PCDH9: variants seen among roughly 807,000 people sequenced by gnomAD.
PCDH9 encodes the protein protocadherin-9.
PCDH9 carries 24 observed loss-of-function variants against 70.6 expected under a neutral mutation model. The observed-to-expected ratio is 0.34, with a 90% CI of 0.25 to 0.48. The LOEUF (loss-of-function observed/expected upper bound fraction) is 0.48. Among genes scored for constraint, PCDH9 ranks in the 20% least tolerant of loss-of-function variants. The pLI, the probability that PCDH9 is intolerant of heterozygous loss-of-function variation, is 0.99. For missense variants in PCDH9, 1,281 were observed against 1,503.6 expected, an observed-to-expected ratio of 0.85 and a Z score of 2.45; for synonymous variants, 562 against 558.5, an observed-to-expected ratio of 1.01 and a Z score of -0.09.
intron 4 of PCDH9, among the ~76,000 whole-genome samples, chr13:66,334,126 A>G (rs944543000): frequency 1.3e-5 from 2 of 152,088 alleles, no homozygotes; most frequent in African/African-American, 4.8e-5. Flanking sequence ...TCAAACACAT[A>G]CTACTTATTT....
chr13:66,323,804 T>G (rs967716685), intron 4 of PCDH9, among the ~76,000 whole-genome samples: 2 of 151,966 alleles, frequency 1.3e-5, no homozygotes, highest in African/African-American at 4.8e-5. Flanking sequence ...GATGTCAAGA[T>G]GCTCACATTT....
intron 4 of PCDH9, among the ~76,000 whole-genome samples, chr13:66,557,850 AG>A (rs2138696117): frequency 6.6e-6 from 1 of 152,316 alleles, no homozygotes; most frequent in African/African-American, 2.4e-5. Context: ...TAATCGCATT[AG>A]AGACAAAGAA....
intron 4 of PCDH9, among the ~76,000 whole-genome samples, chr13:66,414,154 C>G (rs543532399): frequency 6.1e-4 from 93 of 152,274 alleles, no homozygotes; most frequent in African/African-American, 2.1e-3. Context: ...ATTTTCATCT[C>G]TCTCCTAACA....
chr13:66,703,710 C>T (rs1011981414), intron 3 of PCDH9, among the ~76,000 whole-genome samples: 19 of 151,788 alleles, frequency 1.3e-4, no homozygotes, highest in African/African-American at 4.4e-4. Flanking sequence ...GCCTGGGCAA[C>T]GTGGTGAGAC....
At chr13:66,477,356 A>G (rs144529365) in intron 4 of PCDH9, among the ~76,000 whole-genome samples, 1 of 152,274 alleles carries the variant, frequency 6.6e-6, no homozygotes, top group Non-Finnish European at 1.5e-5. Context: ...GGGATCATAC[A>G]CATTCAAGCA....
At chr13:67,021,218 T>C (rs1035457599) in intron 2 of PCDH9, among the ~76,000 whole-genome samples, 2 of 152,158 alleles carry the variant, frequency 1.3e-5, no homozygotes, top group African/African-American at 2.4e-5. Flanking sequence ...ACTATACAAG[T>C]ACTAGCAAAG....
intron 3 of PCDH9, among the ~76,000 whole-genome samples, chr13:66,896,294 C>G (rs1393264484): frequency 6.6e-6 from 1 of 152,078 alleles, no homozygotes; most frequent in Non-Finnish European, 1.5e-5. Flanking sequence ...TGAAGTAATT[C>G]ATAAGGCCAC....
chr13:67,014,148 C>T lies in PCDH9; in HGVS notation c.3037-110543G>A, dbSNP rs114874894. On this transcript the variant is annotated intron_variant, in intron 2 of 4. Coordinates refer to ENST00000377865, the MANE Select transcript of PCDH9 (RefSeq NM_203487.3). ...TTTGTCCCCACTAAAAGAAGAATTA[C>T]TTTCTGTAAAGTGATAGTAATACTA... Among the ~76,000 whole-genome samples, 537 of 152,166 alleles carry T rather than the reference C, an allele frequency of 3.5e-3. 5 individuals carry two copies. The highest frequency in any genetic ancestry group is 0.012 in the African/African-American group (515 of 41,544).
At chr13:66,838,335 T>C (rs1476750500) in intron 3 of PCDH9, among the ~76,000 whole-genome samples, 1 of 152,080 alleles carries the variant, frequency 6.6e-6, no homozygotes, top group Admixed American at 6.6e-5. Flanking sequence ...GGAGTATTTT[T>C]ATTTCCCTTA....
intron 2 of PCDH9, among the ~76,000 whole-genome samples, chr13:66,908,796 T>G (rs1477758049): frequency 1.3e-5 from 2 of 152,160 alleles, no homozygotes; most frequent in Admixed American, 6.6e-5. Context: ...AACTAGAAAA[T>G]GGAGCTAAAA....
chr13:66,860,601 A>G (rs947170243), intron 3 of PCDH9, among the ~76,000 whole-genome samples: 1 of 152,264 alleles, frequency 6.6e-6, no homozygotes, highest in African/African-American at 2.4e-5. Context: ...AGGTCTTGCT[A>G]TCTAAAGATA....
chr13:67,227,240 A>T lies in PCDH9; in HGVS notation c.1201T>A (p.Cys401Ser). ...AATGGGACCTCTCTTTCAATAAAACAGATCACTTTGCCATTCACATCTGTG... is the reference window on the plus strand; with the variant it reads ...AATGGGACCTCTCTTTCAATAAAACTGATCACTTTGCCATTCACATCTGTG... ...KDTDVNGKVICFIEREVPFHL... is the reference protein window; with the variant it reads ...KDTDVNGKVISFIEREVPFHL... The change falls in exon 2 of 5, where the codon TGT (cysteine) becomes AGT (serine). Residue 401 changes from cysteine (C) to serine (S), a missense_variant. Coordinates refer to ENST00000377865, the MANE Select transcript of PCDH9 (RefSeq NM_203487.3). The surrounding 1 kb of genome is among the most constrained non-coding windows in gnomAD (Gnocchi z 4.6). 6.2e-7 allele frequency: 1 copy of T among 1,613,834 alleles called. No homozygotes were observed. The highest frequency in any genetic ancestry group is 8.5e-7 in the Non-Finnish European group (1 of 1,179,694).
At chr13:66,656,441 T>C (rs945551186) in intron 3 of PCDH9, among the ~76,000 whole-genome samples, 2 of 152,180 alleles carry the variant, frequency 1.3e-5, no homozygotes, top group Admixed American at 1.3e-4. Flanking sequence ...CAGGTTACTC[T>C]TTGAAAACAA....
At chr13:66,571,007 A>C (rs2076725964) in intron 4 of PCDH9, among the ~76,000 whole-genome samples, 1 of 152,084 alleles carries the variant, frequency 6.6e-6, no homozygotes, top group Non-Finnish European at 1.5e-5. Flanking sequence ...TAATAGAAAT[A>C]TATAATTTTT....
At chr13:66,965,466 T>G (rs2083415319) in intron 2 of PCDH9, among the ~76,000 whole-genome samples, 1 of 152,118 alleles carries the variant, frequency 6.6e-6, no homozygotes, top group African/African-American at 2.4e-5. Flanking sequence ...CCACTCCATA[T>G]GCTTAGGAAG....
In PCDH9 at chr13:67,172,180, A is replaced by T. The variant is rs535867544; in HGVS notation, c.3036+53225T>A. Among the ~76,000 whole-genome samples the T allele has an allele frequency of 5.9e-5, 9 of 152,232 alleles. No individual in the cohort carries two copies. The South Asian group carries it at 1.9e-3, about 32-fold the overall frequency. On this transcript the variant is annotated intron_variant, in intron 2 of 4. Transcript: ENST00000377865. ...TTCAGGCACCCTTACTGTCCTTCAA[A>T]TCTCAAGTAAATGTTAACTATATCT...
intron 2 of PCDH9, among the ~76,000 whole-genome samples, chr13:67,187,312 T>C (rs987264780): frequency 2.6e-5 from 4 of 152,164 alleles, no homozygotes; most frequent in Non-Finnish European, 5.9e-5. Flanking sequence ...TCTTTCCCCG[T>C]GTCTTGTTGA....
At position 66,995,244 on chromosome 13, in the gene PCDH9, G is replaced by T. The variant is rs151036780; in HGVS notation, c.3037-91639C>A. Among the ~76,000 whole-genome samples, 9 of 152,306 alleles carry T rather than the reference G, an allele frequency of 5.9e-5. No homozygotes were observed. In the East Asian group the frequency reaches 1.5e-3, roughly 26 times the overall value. ...GGCACTCTTTCAAATGTAAAGCATG[G>T]TTATGGCTTCTCAAGGGCATCGGAA... On this transcript the variant is annotated intron_variant, in intron 2 of 4. Coordinates refer to ENST00000377865, the MANE Select transcript of PCDH9 (RefSeq NM_203487.3).
chr13:66,929,189 A>G (rs1394308430), intron 2 of PCDH9, among the ~76,000 whole-genome samples: 1 of 152,094 alleles, frequency 6.6e-6, no homozygotes, highest in Non-Finnish European at 1.5e-5. Flanking sequence ...ATTTTAGTCA[A>G]TTAACACAGA....
Sources: allele counts gnomAD v4.1 joint callset (sites outside exome capture counted in the v4.1 genomes callset), GRCh38; gene constraint gnomAD v4.1.1; non-coding constraint Gnocchi (gnomAD v3.1); transcripts MANE v1.5; gene names NCBI Gene and HGNC (gene_info 2026-07-23, HGNC 2026-07-21).